CDH8: variants seen among roughly 807,000 people sequenced by gnomAD.
The protein encoded by CDH8 is cadherin-8.
Under a neutral mutation model 68.1 loss-of-function variants are expected in CDH8, and 17 were observed. The ratio of observed to expected loss-of-function variants is 0.25; its 90% CI spans 0.17 to 0.37. The LOEUF is 0.37. CDH8 is among the 10% of genes least tolerant of loss of function. The probability of loss-of-function intolerance (pLI) is 1.00; values close to 1 mark genes in which losing one functional copy is unlikely to be tolerated. For synonymous variants in CDH8, 372 were observed against 365.1 expected, an observed-to-expected ratio of 1.02 and a Z score of -0.21; for missense variants, 763 against 999.3, an observed-to-expected ratio of 0.76 and a Z score of 3.19.
intron 8 of CDH8, among the ~76,000 whole-genome samples, chr16:61,770,715 A>G (rs572332859): frequency 1.3e-5 from 2 of 151,944 alleles, no homozygotes; most frequent in Non-Finnish European, 1.5e-5. Flanking sequence ...ATCATACAGA[A>G]CTCATTTCTT....
intron 10 of CDH8, among the ~76,000 whole-genome samples, chr16:61,671,318 A>G (rs1963789261): frequency 6.6e-6 from 1 of 151,974 alleles, no homozygotes; most frequent in Non-Finnish European, 1.5e-5. Context: ...AGGTGTTAGC[A>G]GTGGTTAATG....
intron 7 of CDH8, among the ~76,000 whole-genome samples, chr16:61,816,184 G>C (rs945409568): frequency 4.6e-5 from 7 of 151,982 alleles, no homozygotes; most frequent in Non-Finnish European, 1.0e-4. Flanking sequence ...ATTGGCTGTA[G>C]TCTTATTTGT....
chr16:61,976,452 G>T (rs1965435995), intron 2 of CDH8, among the ~76,000 whole-genome samples: 1 of 152,082 alleles, frequency 6.6e-6, no homozygotes, highest in African/African-American at 2.4e-5. Context: ...CACCACCACT[G>T]ATGAGTTCAG....
chr16:61,861,957 T>G (rs1279318287), intron 3 of CDH8, among the ~76,000 whole-genome samples: 1 of 152,186 alleles, frequency 6.6e-6, no homozygotes, highest in African/African-American at 2.4e-5. Flanking sequence ...TAGATGGTAG[T>G]GAATGCTTTA....
chr16:61,949,172 C>A (rs916534766), intron 2 of CDH8, among the ~76,000 whole-genome samples: 1 of 152,150 alleles, frequency 6.6e-6, no homozygotes, highest in Non-Finnish European at 1.5e-5. Flanking sequence ...ATCAGGCTTT[C>A]TGGGAAAGGA....
At chr16:61,662,495 A>G (rs1438678309) in intron 10 of CDH8, among the ~76,000 whole-genome samples, 1 of 151,882 alleles carries the variant, frequency 6.6e-6, no homozygotes, top group Non-Finnish European at 1.5e-5. Context: ...TTTTAAAAAA[A>G]GAAATCTCTT....
chr16:61,683,727 C>A (rs1233692730), intron 10 of CDH8, among the ~76,000 whole-genome samples: 1 of 152,010 alleles, frequency 6.6e-6, no homozygotes, highest in Non-Finnish European at 1.5e-5. Context: ...TCACTGCCCT[C>A]CCATTAAGAG....
Position 61,857,125 on chromosome 16 carries a change from C to T in CDH8, c.661G>A (p.Glu221Lys). The change falls in exon 4 of 12, where the codon GAA becomes AAA. Residue 221 changes from glutamate to lysine, a missense_variant. Transcript: ENST00000577390. The stretch of plus-strand genomic sequence containing the variant: ...CGAAATTTAGGCCACAAACCTGTTT[C>T]AGGCTCAATGGAAAAATAAGGCTGC... ...EGQPYFSIEP[E>K]TAIIKTALPN... 2 of 1,613,518 alleles carry T rather than the reference C, an allele frequency of 1.2e-6. No individual in the cohort carries two copies. The highest frequency in any genetic ancestry group is 2.2e-5 in the South Asian group (2 of 91,060).
chr16:61,697,780 T>C (rs1964355291), intron 10 of CDH8, among the ~76,000 whole-genome samples: 1 of 152,330 alleles, frequency 6.6e-6, no homozygotes, highest in South Asian at 2.1e-4. Flanking sequence ...CGTAAGCCAT[T>C]GTGGCCAGCC....
At chr16:61,991,978 C>T (rs1027928555) in intron 2 of CDH8, among the ~76,000 whole-genome samples, 7 of 151,622 alleles carry the variant, frequency 4.6e-5, no homozygotes, top group Non-Finnish European at 8.8e-5. Context: ...TGTTGTTTAA[C>T]TTGTTGGCCA....
chr16:61,652,903 A>C lies in CDH8; in HGVS notation c.*705T>G. 6.6e-7 allele frequency: 1 copy of C among 1,526,306 alleles called. No individual in the cohort carries two copies. The highest frequency in any genetic ancestry group is 8.8e-7 in the Non-Finnish European group (1 of 1,142,292). The allele number at this position is 1,526,306 out of a possible 1,614,324, so 94.5% of individuals were successfully genotyped here. On this transcript the variant is annotated 3_prime_UTR_variant, in exon 12 of 12. Coordinates refer to ENST00000577390, the MANE Select transcript of CDH8 (RefSeq NM_001796.5). ...AGGGAACGAGGAATCCTGCTTCTAG[A>C]AAACAAGCATGTTTGAATGGGATTT...
intron 1 of CDH8, among the ~76,000 whole-genome samples, chr16:62,027,911 G>A (rs920831468): frequency 4.6e-5 from 7 of 151,916 alleles, no homozygotes; most frequent in Admixed American, 2.0e-4. Flanking sequence ...ACACATACAC[G>A]TGCACATATT....
chr16:62,009,867 TTTTCTC>T, intron 2 of CDH8, among the ~76,000 whole-genome samples: 1 of 152,202 alleles, frequency 6.6e-6, no homozygotes, highest in Admixed American at 6.5e-5. Context: ...ATAAAACCAT[TTTTCTC>T]TTCTTGTTAC....
chr16:61,760,559 C>T (rs535783824), intron 8 of CDH8, among the ~76,000 whole-genome samples: 5 of 152,086 alleles, frequency 3.3e-5, no homozygotes, highest in Admixed American at 6.6e-5. Context: ...ATGATTCTCC[C>T]GCCTCAGCCT....
chr16:61,675,768 A>C (rs1028318841), intron 10 of CDH8, among the ~76,000 whole-genome samples: 2 of 151,672 alleles, frequency 1.3e-5, no homozygotes, highest in Non-Finnish European at 2.9e-5. Flanking sequence ...CTATGAAGAA[A>C]AATTATTACA....
chr16:61,679,826 G>A (rs1029554041), intron 10 of CDH8, among the ~76,000 whole-genome samples: 2 of 151,864 alleles, frequency 1.3e-5, no homozygotes, highest in Non-Finnish European at 2.9e-5. Flanking sequence ...TGACTCTTCA[G>A]TGTTTTCTTG....
At chr16:61,662,087 G>GTTTTTTTTTTTTTTTTTTTGTTTTTT in intron 10 of CDH8, among the ~76,000 whole-genome samples, 1 of 92,792 alleles carries the variant, frequency 1.1e-5, no homozygotes, top group African/African-American at 4.0e-5. Context: ...TTTTACTTTA[G>GTTTTTTTTTTTTTTTTTTTGTTTTTT]TTTTTTTTTT....
At chr16:61,810,808 G>T (rs977742715) in intron 7 of CDH8, among the ~76,000 whole-genome samples, 3 of 152,028 alleles carry the variant, frequency 2.0e-5, no homozygotes, top group South Asian at 2.1e-4. Flanking sequence ...CGGATCAGAA[G>T]GTTAGGAGTT....
intron 7 of CDH8, among the ~76,000 whole-genome samples, chr16:61,799,971 C>T (rs7199052): frequency 0.031 from 4,746 of 152,104 alleles, 240 homozygotes; most frequent in African/African-American, 0.11. Flanking sequence ...TTCAGTGGCA[C>T]GATCCCAGCT....
Sources: allele counts gnomAD v4.1 joint callset (sites outside exome capture counted in the v4.1 genomes callset), GRCh38; gene constraint gnomAD v4.1.1; transcripts MANE v1.5; gene names NCBI Gene and HGNC (gene_info 2026-07-23, HGNC 2026-07-21).